The following PDGFD variants were observed in gnomAD, a reference collection of about 807,000 sequenced individuals.
PDGFD encodes platelet derived growth factor D, also known as platelet-derived growth factor D.
In PDGFD, 30 loss-of-function variants were observed where a neutral mutation model predicts 44.7. The ratio of observed to expected loss-of-function variants is 0.67; its 90% CI spans 0.50 to 0.91. The LOEUF is 0.91. Among genes scored for constraint, PDGFD ranks in the 40% least tolerant of loss-of-function variants. The pLI is 0.00. For synonymous variants in PDGFD, 173 were observed against 168.4 expected (o/e 1.03, Z -0.21); for missense variants, 445 against 457.8 (o/e 0.97, Z 0.25).
chr11:104,002,457 C>T (rs1028847177), intron 1 of PDGFD, among the ~76,000 whole-genome samples: 3 of 152,144 alleles, frequency 2.0e-5, no homozygotes, highest in Non-Finnish European at 4.4e-5. Flanking sequence ...GTAAAAGGTG[C>T]CTTGCTTCCC....
chr11:104,160,654 T>C (rs1862375057), intron 1 of PDGFD, among the ~76,000 whole-genome samples: 1 of 152,200 alleles, frequency 6.6e-6, no homozygotes, highest in African/African-American at 2.4e-5. Flanking sequence ...TTAAGTACTG[T>C]AAATTATTAT....
chr11:103,913,947 G>A (rs1349935747), intron 6 of PDGFD, among the ~76,000 whole-genome samples: 2 of 152,052 alleles, frequency 1.3e-5, no homozygotes, highest in Admixed American at 1.3e-4. Flanking sequence ...ATGGACCTTG[G>A]GGGACAGAAC....
intron 3 of PDGFD, among the ~76,000 whole-genome samples, chr11:103,968,731 T>C (rs903577726): frequency 1.3e-5 from 2 of 152,192 alleles, no homozygotes; most frequent in African/African-American, 4.8e-5. Flanking sequence ...CATATTGGTC[T>C]TCAAAAGCAA....
intron 5 of PDGFD, among the ~76,000 whole-genome samples, chr11:103,940,384 C>T (rs1858564648): frequency 6.6e-6 from 1 of 152,048 alleles, no homozygotes; most frequent in East Asian, 1.9e-4. Context: ...CTGGACAAAT[C>T]AGAAGAATGG....
At chr11:104,118,602 T>C (rs1190972110) in intron 1 of PDGFD, among the ~76,000 whole-genome samples, 1 of 150,194 alleles carries the variant, frequency 6.7e-6, no homozygotes, top group East Asian at 2.0e-4. Context: ...ATCCTTGCCT[T>C]GCTCTTCATT....
chr11:104,153,449 T>G (rs957600241), intron 1 of PDGFD, among the ~76,000 whole-genome samples: 1 of 152,182 alleles, frequency 6.6e-6, no homozygotes, highest in Non-Finnish European at 1.5e-5. Flanking sequence ...ATTGCAGGGC[T>G]TATGATAGAA....
At chr11:103,916,331 GA>G (rs1858124924) in intron 6 of PDGFD, among the ~76,000 whole-genome samples, 2 of 150,950 alleles carry the variant, frequency 1.3e-5, no homozygotes, top group Admixed American at 1.3e-4. Context: ...ACAAACATAT[GA>G]AAAAAACCTC....
At chr11:103,967,985 A>T (rs11226095) in intron 3 of PDGFD, among the ~76,000 whole-genome samples, 35,409 of 152,064 alleles carry the variant, frequency 0.23, 4,206 homozygotes, top group Middle Eastern at 0.35. Context: ...CACCACTGTG[A>T]TGTAAAGACT....
Position 104,083,978 on chromosome 11 carries a change from G to GT in PDGFD, c.124+79825dup, listed in dbSNP as rs1311057820. Among the ~76,000 whole-genome samples the GT allele has an allele frequency of 6.6e-5, 10 of 152,332 alleles. No homozygotes were observed. In the East Asian group the frequency reaches 1.7e-3, roughly 26 times the overall value. On this transcript the variant is annotated intron_variant, in intron 1 of 6. Transcript: ENST00000393158. ...TGTACAGGTTATGAAAAGCAGCCAAGTAACTGTAAACTGATTGACCAACTC... is the reference window on the plus strand; with the variant it reads ...TGTACAGGTTATGAAAAGCAGCCAAGTTAACTGTAAACTGATTGACCAACTC...
At chr11:103,969,278 A>G (rs1045715800) in intron 3 of PDGFD, among the ~76,000 whole-genome samples, 14 of 152,114 alleles carry the variant, frequency 9.2e-5, no homozygotes, top group Non-Finnish European at 1.8e-4. Context: ...TTCAAATACC[A>G]TATTTTCAGG....
intron 6 of PDGFD, among the ~76,000 whole-genome samples, chr11:103,918,897 A>G (rs1242546145): frequency 6.6e-6 from 1 of 152,172 alleles, no homozygotes; most frequent in Non-Finnish European, 1.5e-5. Flanking sequence ...ACTGGCGGTT[A>G]TAGGTTATCT....
intron 3 of PDGFD, among the ~76,000 whole-genome samples, chr11:103,976,063 T>C (rs1455664993): frequency 3.3e-5 from 5 of 152,158 alleles, no homozygotes; most frequent in Admixed American, 3.3e-4. Flanking sequence ...GGGAATAGCA[T>C]TGAAGTTATA....
At chr11:104,160,687 G>C (rs1486564978) in intron 1 of PDGFD, among the ~76,000 whole-genome samples, 1 of 152,142 alleles carries the variant, frequency 6.6e-6, no homozygotes, top group Non-Finnish European at 1.5e-5. Flanking sequence ...CTTAGTTATA[G>C]AGCCTCATGT....
chr11:103,988,231 G>T (rs919873716), intron 3 of PDGFD, among the ~76,000 whole-genome samples: 2 of 151,902 alleles, frequency 1.3e-5, no homozygotes, highest in Non-Finnish European at 2.9e-5. Flanking sequence ...TACAGGAAAG[G>T]TTATATGCAT....
intron 3 of PDGFD, among the ~76,000 whole-genome samples, chr11:103,984,033 C>T (rs1027481115): frequency 6.6e-6 from 1 of 151,454 alleles, no homozygotes. Flanking sequence ...ATATTAATCC[C>T]ACTCAACTCA....
intron 1 of PDGFD, among the ~76,000 whole-genome samples, chr11:104,054,185 T>C (rs1860586666): frequency 2.0e-5 from 3 of 152,220 alleles, no homozygotes. Flanking sequence ...TGGGAAGCGA[T>C]TTCTGCAAAG....
chr11:103,926,850 G>T, intron 6 of PDGFD, 62 bp downstream of exon 6: 1 of 1,498,284 alleles, frequency 6.7e-7, no homozygotes, highest in Non-Finnish European at 9.1e-7. Context: ...TGTATGCAAT[G>T]GCCCTGTCTT....
intron 1 of PDGFD, among the ~76,000 whole-genome samples, chr11:104,002,211 C>T (rs985175065): frequency 6.6e-6 from 1 of 152,152 alleles, no homozygotes; most frequent in African/African-American, 2.4e-5. Context: ...GGTGTCTGCT[C>T]ATTTTGTCAT....
intron 3 of PDGFD, among the ~76,000 whole-genome samples, chr11:103,971,100 T>C (rs1859096212): frequency 6.6e-6 from 1 of 152,212 alleles, no homozygotes; most frequent in Admixed American, 6.5e-5. Context: ...AATATATGTG[T>C]CATAACTTTG....
Sources: gnomAD v4.1 joint callset for allele counts (sites outside exome capture counted in the v4.1 genomes callset) on GRCh38, gnomAD v4.1.1 for gene constraint, MANE v1.5 for transcripts, NCBI Gene and HGNC (gene_info 2026-07-23, HGNC 2026-07-21) for gene names.